The following TMEM144 variants were observed in gnomAD, a reference collection of about 807,000 sequenced individuals.
TMEM144 encodes the protein transmembrane protein 144.
In TMEM144, 39 loss-of-function variants were observed where a neutral mutation model predicts 43.6. That is an observed-to-expected ratio of 0.90 (90% CI 0.69 to 1.17). The LOEUF (loss-of-function observed/expected upper bound fraction) is 1.17. Ranked by LOEUF, TMEM144 falls within the 50% of genes most tolerant of loss-of-function variation. The pLI is 0.00. For synonymous variants in TMEM144, 154 were observed against 133.6 expected (o/e 1.15, Z -1.06); for missense variants, 417 against 411.9 (o/e 1.01, Z -0.11).
intron 8 of TMEM144, 31 bp downstream of exon 8, chr4:158,235,536 C>T: frequency 6.3e-7 from 1 of 1,580,038 alleles, no homozygotes; most frequent in African/African-American, 1.3e-5. Context: ...TGCTCTATTA[C>T]TCTGTTTCAT....
chr4:158,233,138 G>A, intron 7 of TMEM144, 156 bp downstream of exon 7: 1 of 535,008 alleles, frequency 1.9e-6, no homozygotes. Context: ...GGTCTATGTA[G>A]CAATCAATCA....
chr4:158,213,146 A>C, intron 3 of TMEM144: 1 of 285,650 alleles, frequency 3.5e-6, no homozygotes, highest in Non-Finnish European at 6.5e-6. Context: ...GCTTATGTGC[A>C]ATTTTGTCCC....
rs751112548 is a variant in TMEM144, at chr4:158,230,116, G to A, written c.414-2785G>A. On this transcript the variant is annotated intron_variant, in intron 6 of 12. Coordinates refer to ENST00000296529, the MANE Select transcript of TMEM144 (RefSeq NM_018342.5). ...TGTTGGGACCCTAGGCCCCAGTGGCGTAGGTTTGCAAGTGGGATCTTCCAA... is the reference window on the plus strand; with the variant it reads ...TGTTGGGACCCTAGGCCCCAGTGGCATAGGTTTGCAAGTGGGATCTTCCAA... Among the ~76,000 whole-genome samples, 16 of 152,348 alleles carry A rather than the reference G, an allele frequency of 1.1e-4. No individual in the cohort carries two copies. In the East Asian group the frequency reaches 1.3e-3, roughly 13 times the overall value.
At chr4:158,241,880 C>T (rs908576148) in intron 11 of TMEM144, among the ~76,000 whole-genome samples, 4 of 152,164 alleles carry the variant, frequency 2.6e-5, no homozygotes, top group Admixed American at 1.3e-4. Context: ...GTAATTTTAG[C>T]GACATTGTAA....
chr4:158,223,245 T>G (rs1734591231), intron 6 of TMEM144, among the ~76,000 whole-genome samples: 1 of 152,218 alleles, frequency 6.6e-6, no homozygotes, highest in African/African-American at 2.4e-5. Flanking sequence ...GATTTTATTT[T>G]GTGCCAGAAG....
At chr4:158,227,746 C>A (rs1472594822) in intron 6 of TMEM144, among the ~76,000 whole-genome samples, 2 of 152,280 alleles carry the variant, frequency 1.3e-5, no homozygotes, top group South Asian at 2.1e-4. Context: ...CCTGGCTTTA[C>A]AGGTTACCTT....
Position 158,253,676 on chromosome 4 carries a change from A to G in TMEM144, c.*149A>G. ...GGGTAAATGATTTTTTTCCCCAAAAATGTGAGAATGAAGGAAGATTGAGTT... is the reference window on the plus strand; with the variant it reads ...GGGTAAATGATTTTTTTCCCCAAAAGTGTGAGAATGAAGGAAGATTGAGTT... On this transcript the variant is annotated 3_prime_UTR_variant, in exon 13 of 13. Coordinates refer to ENST00000296529, the MANE Select transcript of TMEM144 (RefSeq NM_018342.5). The G allele has an allele frequency of 1.6e-6, 1 of 612,024 alleles. No individual in the cohort carries two copies. The highest frequency in any genetic ancestry group is 2.8e-6 in the Non-Finnish European group (1 of 356,246). 37.9% of individuals were successfully genotyped at this position (612,024 alleles called of 1,614,324 possible). A position where few individuals can be genotyped will look rare whatever the true frequency, so the allele number is the denominator to read the frequency against.
chr4:158,245,943 G>GA (rs899466661), intron 12 of TMEM144, among the ~76,000 whole-genome samples: 1 of 149,752 alleles, frequency 6.7e-6, no homozygotes, highest in African/African-American at 2.5e-5. Context: ...AAAAGAAAAA[G>GA]AAAAAAAAAG....
chr4:158,233,226 T>C (rs1735172242), intron 7 of TMEM144: 1 of 280,750 alleles, frequency 3.6e-6, no homozygotes, highest in Non-Finnish European at 6.6e-6. Context: ...AGGTGATATA[T>C]ATATAACCCC....
chr4:158,212,302 A>C (rs1733996367), intron 2 of TMEM144: 1 of 159,242 alleles, frequency 6.3e-6, no homozygotes, highest in Non-Finnish European at 1.4e-5. Flanking sequence ...GCTGTTAAAT[A>C]AGCTTAGCAG....
Position 158,253,784 on chromosome 4 carries a change from T to G in TMEM144, c.*257T>G. On this transcript the variant is annotated 3_prime_UTR_variant, in exon 13 of 13. Transcript: ENST00000296529. ...TTACTGGGTGACTAAAATGTCTACA[T>G]TATTATAGCATTACATACGAGGATG... 2.3e-6 allele frequency: 1 copy of G among 438,472 alleles called. No individual in the cohort carries two copies. The highest frequency in any genetic ancestry group is 4.2e-6 in the Non-Finnish European group (1 of 240,454). The allele number at this position is 438,472 out of a possible 1,614,324, so 27.2% of individuals were successfully genotyped here.
intron 8 of TMEM144, among the ~76,000 whole-genome samples, chr4:158,236,650 T>C (rs538504936): frequency 6.6e-6 from 1 of 152,278 alleles, no homozygotes; most frequent in African/African-American, 2.4e-5. Context: ...TGTTTTTGCC[T>C]ACAACTGTCT....
chr4:158,235,523 C>A lies in TMEM144; in HGVS notation c.563+18C>A, dbSNP rs774720810. On this transcript the variant is annotated intron_variant, in intron 8 of 12. Transcript: ENST00000296529. ...CGCATAGTGTAAGGAGAGGTTACTT[C>A]TTTGCTCTATTACTCTGTTTCATAT... is the stretch of plus-strand genomic sequence containing the variant. 13 of 1,604,748 alleles carry A rather than the reference C, an allele frequency of 8.1e-6. No homozygotes were observed. The South Asian group carries it at 1.3e-4, about 17-fold the overall frequency.
At chr4:158,241,642 T>G in intron 11 of TMEM144, 36 bp downstream of exon 11, 1 of 1,587,504 alleles carries the variant, frequency 6.3e-7, no homozygotes, top group Non-Finnish European at 8.6e-7. Context: ...ATTTTCATTT[T>G]ATAAATGTAA....
At chr4:158,223,760 G>A (rs1734617750) in intron 6 of TMEM144, among the ~76,000 whole-genome samples, 4 of 152,194 alleles carry the variant, frequency 2.6e-5, no homozygotes. Context: ...CTTTATGGCT[G>A]CAAAGTATTC....
At chr4:158,240,455 A>C (rs1735578415) in intron 10 of TMEM144, 37 bp downstream of exon 10, 2 of 1,566,076 alleles carry the variant, frequency 1.3e-6, no homozygotes, top group African/African-American at 2.7e-5. Context: ...TACTATATGA[A>C]AGTGTCATCT....
At chr4:158,213,892 T>C (rs1734086397) in intron 3 of TMEM144, 1 of 152,240 alleles carries the variant, frequency 6.6e-6, no homozygotes, top group African/African-American at 2.4e-5. Context: ...GTAGAGGATC[T>C]AGCTTTTTTA....
intron 6 of TMEM144, among the ~76,000 whole-genome samples, chr4:158,229,358 T>C (rs1395087211): frequency 6.6e-5 from 10 of 152,184 alleles, no homozygotes; most frequent in Non-Finnish European, 7.3e-5. Flanking sequence ...ACAGCAAAGA[T>C]GGATGCCTTC....
chr4:158,231,177 C>T (rs908015631), intron 6 of TMEM144, among the ~76,000 whole-genome samples: 2 of 152,058 alleles, frequency 1.3e-5, no homozygotes, highest in Non-Finnish European at 1.5e-5. Flanking sequence ...CTACACAGAA[C>T]GTGGAGGGTT....
Sources: gnomAD v4.1 joint callset for allele counts (sites outside exome capture counted in the v4.1 genomes callset) on GRCh38, gnomAD v4.1.1 for gene constraint, MANE v1.5 for transcripts, NCBI Gene and HGNC (gene_info 2026-07-23, HGNC 2026-07-21) for gene names.